The following PUDP variants were observed in gnomAD, a reference collection of about 807,000 sequenced individuals.
The protein encoded by PUDP is pseudouridine-5'-phosphatase.
Under a neutral mutation model 9.4 loss-of-function variants are expected in PUDP, and 8 were observed. The ratio of observed to expected loss-of-function variants is 0.85; its 90% CI spans 0.50 to 1.53. The LOEUF (loss-of-function observed/expected upper bound fraction) is 1.53. Ranked by LOEUF, PUDP falls within the 40% of genes most tolerant of loss-of-function variation. The pLI is 0.00. For synonymous variants in PUDP, 99 were observed against 80.7 expected (o/e 1.23, Z -1.22); for missense variants, 188 against 189.7 (o/e 0.99, Z 0.05).
At chrX:7,095,194 T>C (rs916403701) in intron 2 of PUDP, among the ~76,000 whole-genome samples, 2 of 112,557 alleles carry the variant, frequency 1.8e-5, no homozygotes, top group East Asian at 5.6e-4. Flanking sequence ...CTAAGAGCTA[T>C]GGACTCTTCA....
intron 3 of PUDP, among the ~76,000 whole-genome samples, chrX:6,915,745 A>G (rs1927919410): frequency 8.9e-6 from 1 of 112,320 alleles, no homozygotes; most frequent in African/African-American, 3.2e-5. Flanking sequence ...ATTTAAATAT[A>G]AAGTATCTAA....
At chrX:6,759,404 G>A (rs1472513309) in intron 3 of PUDP, among the ~76,000 whole-genome samples, 3 of 112,132 alleles carry the variant, frequency 2.7e-5, no homozygotes, top group Non-Finnish European at 5.6e-5. Flanking sequence ...CTTACAGCTG[G>A]TTCTCTTGAA....
At chrX:7,040,801 G>C (rs1271716648) in intron 1 of PUDP, among the ~76,000 whole-genome samples, 1 of 110,386 alleles carries the variant, frequency 9.1e-6, no homozygotes, top group Non-Finnish European at 1.9e-5. Context: ...GAGTGCTCGG[G>C]ACATCATGCT....
intron 3 of PUDP, among the ~76,000 whole-genome samples, chrX:6,783,850 A>G (rs1208924875): frequency 8.9e-6 from 1 of 111,861 alleles, no homozygotes; most frequent in African/African-American, 3.2e-5. Context: ...AGAAAAGCCA[A>G]TAGTATGATT....
intron 3 of PUDP, among the ~76,000 whole-genome samples, chrX:6,772,354 C>T (rs538609412): frequency 8.1e-5 from 9 of 110,749 alleles, no homozygotes; most frequent in Middle Eastern, 9.1e-3. Flanking sequence ...CTTCAGCAGA[C>T]GTGAAAGCTA....
chrX:6,912,511 G>C (rs1413720481), intron 3 of PUDP, among the ~76,000 whole-genome samples: 2 of 111,669 alleles, frequency 1.8e-5, no homozygotes, highest in East Asian at 2.8e-4. Flanking sequence ...GCTGTTTAAG[G>C]CATCCCACAT....
intron 3 of PUDP, among the ~76,000 whole-genome samples, chrX:6,958,745 CA>C (rs138391788): frequency 0.055 from 3,361 of 60,623 alleles, 201 homozygotes; most frequent in African/African-American, 0.2. Flanking sequence ...AATGCCATCT[CA>C]AAAAAAAAAA....
intron 3 of PUDP, among the ~76,000 whole-genome samples, chrX:6,876,639 A>ATGTGTATGTG (rs1927259378): frequency 1.1e-5 from 1 of 92,799 alleles, no homozygotes; most frequent in Non-Finnish European, 2.2e-5. Context: ...CTAAAATGTT[A>ATGTGTATGTG]TGTGTGTGTG....
chrX:6,899,579 A>T (rs776632680), intron 3 of PUDP, among the ~76,000 whole-genome samples: 161 of 111,337 alleles, frequency 1.4e-3, no homozygotes, highest in African/African-American at 4.5e-3. Context: ...TCCCAAAAAA[A>T]TTTTTTTAAG....
intron 3 of PUDP, among the ~76,000 whole-genome samples, chrX:6,753,313 T>C (rs1005470925): frequency 8.9e-6 from 1 of 112,791 alleles, no homozygotes; most frequent in Non-Finnish European, 1.9e-5. Flanking sequence ...CAATCCTTTT[T>C]ATGGCTGAGT....
chrX:6,759,027 A>G (rs1301011586), intron 3 of PUDP, among the ~76,000 whole-genome samples: 1 of 112,320 alleles, frequency 8.9e-6, no homozygotes, highest in Non-Finnish European at 1.9e-5. Flanking sequence ...CCTGCTAATC[A>G]GAGGACAGAT....
chrX:7,016,941 C>T (rs891006868), intron 1 of PUDP, among the ~76,000 whole-genome samples: 3 of 111,529 alleles, frequency 2.7e-5, no homozygotes, highest in African/African-American at 9.8e-5. Context: ...CACCACCTGC[C>T]GTGGTATGGC....
intron 3 of PUDP, among the ~76,000 whole-genome samples, chrX:7,075,826 G>A (rs890375945): frequency 1.8e-5 from 2 of 111,740 alleles, no homozygotes; most frequent in African/African-American, 6.5e-5. Flanking sequence ...AGCAGCAAGT[G>A]TATGAAAGTG....
At chrX:7,101,008 C>T (rs912153976) in intron 2 of PUDP, among the ~76,000 whole-genome samples, 17 of 112,023 alleles carry the variant, frequency 1.5e-4, no homozygotes, top group African/African-American at 5.2e-4. Context: ...ACTGTCCCTG[C>T]ACATCATCTG....
At chrX:7,052,707 C>A (rs755555411) in intron 3 of PUDP, among the ~76,000 whole-genome samples, 1 of 112,183 alleles carries the variant, frequency 8.9e-6, no homozygotes, top group South Asian at 3.8e-4. Flanking sequence ...TGCTACCTTA[C>A]TTTCACAGAG....
intron 3 of PUDP, among the ~76,000 whole-genome samples, chrX:6,972,481 T>C (rs1928891758): frequency 8.9e-6 from 1 of 112,148 alleles, no homozygotes; most frequent in East Asian, 2.8e-4. Context: ...GTTTTTGTCA[T>C]TGGTTCTGTT....
At chrX:6,770,745 G>A (rs1925351691) in intron 3 of PUDP, among the ~76,000 whole-genome samples, 1 of 111,881 alleles carries the variant, frequency 8.9e-6, no homozygotes, top group African/African-American at 3.3e-5. Context: ...TCTGCATTAA[G>A]AATAGAAAGC....
At chrX:6,980,788 A>C (rs1929021835) in intron 1 of PUDP, among the ~76,000 whole-genome samples, 1 of 111,725 alleles carries the variant, frequency 9.0e-6, no homozygotes, top group Admixed American at 9.5e-5. Flanking sequence ...ACATTGTATG[A>C]AGTATTCTAA....
intron 3 of PUDP, among the ~76,000 whole-genome samples, chrX:6,942,051 A>G (rs2146777386): frequency 9.0e-6 from 1 of 111,258 alleles, no homozygotes; most frequent in East Asian, 2.9e-4. Context: ...GAGACTCCAA[A>G]AGGCAGGAGG....
Sources: gnomAD v4.1 joint callset for allele counts (sites outside exome capture counted in the v4.1 genomes callset) on GRCh38, gnomAD v4.1.1 for gene constraint, MANE v1.5 for transcripts, NCBI Gene and HGNC (gene_info 2026-07-23, HGNC 2026-07-21) for gene names.